The following CDKAL1 variants were observed in gnomAD, a reference collection of about 807,000 sequenced individuals.
CDKAL1 encodes the protein threonylcarbamoyladenosine tRNA methylthiotransferase.
Under a neutral mutation model 68.2 loss-of-function variants are expected in CDKAL1, and 32 were observed. That is an observed-to-expected ratio of 0.47 (90% CI 0.35 to 0.63). The LOEUF (loss-of-function observed/expected upper bound fraction) is 0.63, where lower values mean the gene tolerates loss of function less well. Among genes scored for constraint, CDKAL1 ranks in the 30% least tolerant of loss-of-function variants. The pLI is 0.00. For missense variants in CDKAL1, 606 were observed against 696.7 expected (o/e 0.87, Z 1.47); for synonymous variants, 234 against 244.3 (o/e 0.96, Z 0.39).
intron 10 of CDKAL1, among the ~76,000 whole-genome samples, chr6:20,957,509 A>G (rs758339496): frequency 1.3e-5 from 2 of 152,180 alleles, no homozygotes; most frequent in Non-Finnish European, 2.9e-5. Context: ...TGGAGTGATA[A>G]CAAGTTTTGA....
intron 9 of CDKAL1, among the ~76,000 whole-genome samples, chr6:20,897,647 A>G (rs1054142557): frequency 3.9e-5 from 6 of 152,168 alleles, no homozygotes; most frequent in Non-Finnish European, 8.8e-5. Flanking sequence ...GGACTACAAC[A>G]TTATCCTAAT....
intron 13 of CDKAL1, among the ~76,000 whole-genome samples, chr6:21,166,201 T>C (rs1257187099): frequency 6.6e-6 from 1 of 152,116 alleles, no homozygotes; most frequent in Non-Finnish European, 1.5e-5. Context: ...TACAGATGTG[T>C]GAGAGAGCCT....
intron 12 of CDKAL1, among the ~76,000 whole-genome samples, chr6:21,095,055 C>T (rs1390947094): frequency 1.3e-5 from 2 of 151,988 alleles, no homozygotes; most frequent in Non-Finnish European, 2.9e-5. Context: ...ATACAGTATA[C>T]GCAATAAGTG....
chr6:20,696,879 C>T (rs1239587608), intron 5 of CDKAL1, among the ~76,000 whole-genome samples: 1 of 152,008 alleles, frequency 6.6e-6, no homozygotes, highest in Non-Finnish European at 1.5e-5. Context: ...ATGACGTGTT[C>T]GGTAGTCATT....
intron 9 of CDKAL1, among the ~76,000 whole-genome samples, chr6:20,862,549 G>A (rs1024736577): frequency 2.0e-5 from 3 of 152,180 alleles, no homozygotes; most frequent in Non-Finnish European, 4.4e-5. Context: ...TAACAAGAGA[G>A]CAAGGAGAAA....
chr6:21,177,024 C>G (rs546892105), intron 13 of CDKAL1, among the ~76,000 whole-genome samples: 1 of 152,116 alleles, frequency 6.6e-6, no homozygotes, highest in Non-Finnish European at 1.5e-5. Flanking sequence ...AAGCAATCCT[C>G]ACAGCCCCCT....
intron 9 of CDKAL1, among the ~76,000 whole-genome samples, chr6:20,864,519 A>G (rs902980895): frequency 6.6e-6 from 1 of 152,190 alleles, no homozygotes; most frequent in Non-Finnish European, 1.5e-5. Flanking sequence ...ATTCTGGAAC[A>G]TTAGAAGAAG....
intron 9 of CDKAL1, among the ~76,000 whole-genome samples, chr6:20,937,860 GTTTT>G (rs34741537): frequency 7.1e-6 from 1 of 141,006 alleles, no homozygotes; most frequent in African/African-American, 2.6e-5. Flanking sequence ...CTGTGAGGTG[GTTTT>G]TTTTTTTTTT....
At chr6:20,586,085 A>T (rs575031202) in intron 4 of CDKAL1, among the ~76,000 whole-genome samples, 1 of 152,210 alleles carries the variant, frequency 6.6e-6, no homozygotes, top group Non-Finnish European at 1.5e-5. Flanking sequence ...CACTGAGTCT[A>T]TCAGCAAATC....
intron 4 of CDKAL1, among the ~76,000 whole-genome samples, chr6:20,557,191 T>A (rs1429721942): frequency 6.6e-6 from 1 of 152,090 alleles, no homozygotes; most frequent in Non-Finnish European, 1.5e-5. Context: ...TGTTTAGTTA[T>A]ATATTGAATA....
At chr6:20,745,529 C>T (rs950634234) in intron 6 of CDKAL1, among the ~76,000 whole-genome samples, 8 of 152,038 alleles carry the variant, frequency 5.3e-5, no homozygotes, top group Admixed American at 3.9e-4. Context: ...TTATGTTTTT[C>T]CCTTCCTTGA....
intron 11 of CDKAL1, among the ~76,000 whole-genome samples, chr6:21,020,467 T>C (rs1768585669): frequency 1.3e-5 from 2 of 152,112 alleles, no homozygotes; most frequent in African/African-American, 4.8e-5. Flanking sequence ...TTATTTTATT[T>C]ATTTATTTAT....
intron 11 of CDKAL1, among the ~76,000 whole-genome samples, chr6:21,005,467 T>C (rs759786466): frequency 1.3e-5 from 2 of 152,210 alleles, no homozygotes; most frequent in Non-Finnish European, 2.9e-5. Context: ...CCTAACTCTT[T>C]AGACAGAGTA....
chr6:20,843,524 A>G (rs968617928), intron 8 of CDKAL1, among the ~76,000 whole-genome samples: 6 of 152,010 alleles, frequency 3.9e-5, no homozygotes, highest in Admixed American at 3.3e-4. Flanking sequence ...ATGAGATCCA[A>G]CTCCAAACAC....
At chr6:20,682,812 C>T (rs191372627) in intron 5 of CDKAL1, among the ~76,000 whole-genome samples, 8 of 152,264 alleles carry the variant, frequency 5.3e-5, no homozygotes, top group Non-Finnish European at 8.8e-5. Context: ...TGTGTTTTTC[C>T]TTCTGAACTG....
chr6:21,052,562 A>C (rs1439473416), intron 11 of CDKAL1, among the ~76,000 whole-genome samples: 15 of 145,198 alleles, frequency 1.0e-4, no homozygotes, highest in African/African-American at 3.8e-4. Flanking sequence ...TTGTAAAGAC[A>C]GGGTCTTGCT....
intron 13 of CDKAL1, among the ~76,000 whole-genome samples, chr6:21,191,748 T>G (rs945397435): frequency 5.3e-5 from 7 of 131,676 alleles, no homozygotes; most frequent in Non-Finnish European, 9.6e-5. Flanking sequence ...TTTCTGCCTT[T>G]GTGGTTTTCA....
intron 6 of CDKAL1, among the ~76,000 whole-genome samples, chr6:20,757,391 G>A (rs1774265507): frequency 6.6e-6 from 1 of 152,078 alleles, no homozygotes; most frequent in Admixed American, 6.5e-5. Context: ...GAGATAGTAA[G>A]GTGAATGAAA....
chr6:20,890,031 T>G (rs923270664), intron 9 of CDKAL1, among the ~76,000 whole-genome samples: 1 of 152,164 alleles, frequency 6.6e-6, no homozygotes, highest in African/African-American at 2.4e-5. Flanking sequence ...TGAGATCACA[T>G]GCATGAGCTA....
Sources: allele counts gnomAD v4.1 joint callset (sites outside exome capture counted in the v4.1 genomes callset), GRCh38; gene constraint gnomAD v4.1.1; transcripts MANE v1.5; gene names NCBI Gene and HGNC (gene_info 2026-07-23, HGNC 2026-07-21).